KIAA1143: variants seen among roughly 807,000 people sequenced by gnomAD.
The protein encoded by KIAA1143 is KIAA1143.
In KIAA1143, 8 loss-of-function variants were observed where a neutral mutation model predicts 17.0. That is an observed-to-expected ratio of 0.47 (90% CI 0.28 to 0.85). The LOEUF (loss-of-function observed/expected upper bound fraction) is 0.85, where lower values mean the gene tolerates loss of function less well. Ranked by LOEUF, KIAA1143 falls within the 40% of genes least tolerant of loss-of-function variation. The probability of loss-of-function intolerance (pLI) is 0.12; values close to 1 mark genes in which losing one functional copy is unlikely to be tolerated. For synonymous variants in KIAA1143, 64 were observed against 67.8 expected (o/e 0.94, Z 0.27); for missense variants, 162 against 183.3 (o/e 0.88, Z 0.67).
chr3:44,753,851 TA>T (rs1704927107), intron 2 of KIAA1143, among the ~76,000 whole-genome samples: 1 of 152,124 alleles, frequency 6.6e-6, no homozygotes, highest in Non-Finnish European at 1.5e-5. Flanking sequence ...AGCAATGTAG[TA>T]AATGTTCAGA....
intron 1 of KIAA1143, among the ~76,000 whole-genome samples, chr3:44,756,790 C>T (rs1559511221): frequency 6.6e-6 from 1 of 152,088 alleles, no homozygotes; most frequent in African/African-American, 2.4e-5. Flanking sequence ...CAAGCAAATT[C>T]ACACAACTTT....
chr3:44,752,540 A>T lies in KIAA1143; in HGVS notation c.*801T>A, dbSNP rs1704905181. The T allele has an allele frequency of 6.6e-6, 1 of 152,116 alleles. No homozygotes were observed. The highest frequency in any genetic ancestry group is 2.4e-5 in the African/African-American group (1 of 41,432). 9.4% of individuals were successfully genotyped at this position (152,116 alleles called of 1,614,324 possible). A position where few individuals can be genotyped will look rare whatever the true frequency, so the allele number is the denominator to read the frequency against. On this transcript the variant is annotated 3_prime_UTR_variant, in exon 3 of 3. Transcript: ENST00000296121. ...ACAGTGTTTATTCTTCTCACTACCA[A>T]GAAGTCAGAGGTCAGCAATCCAAGC... is the stretch of plus-strand genomic sequence containing the variant.
intron 2 of KIAA1143, 103 bp downstream of exon 2, chr3:44,754,121 G>A (rs923863806): frequency 5.8e-6 from 7 of 1,210,022 alleles, no homozygotes; most frequent in Admixed American, 4.3e-5. Context: ...GCTTGAACCC[G>A]GAACTGCCAC....
chr3:44,754,120 C>T (rs977976231), intron 2 of KIAA1143, 104 bp downstream of exon 2: 26 of 1,205,472 alleles, frequency 2.2e-5, no homozygotes, highest in Non-Finnish European at 2.1e-5. Flanking sequence ...GGCTTGAACC[C>T]GGAACTGCCA....
intron 1 of KIAA1143, among the ~76,000 whole-genome samples, chr3:44,755,494 C>T (rs1197724268): frequency 6.6e-6 from 1 of 152,200 alleles, no homozygotes; most frequent in Non-Finnish European, 1.5e-5. Flanking sequence ...ATAACCACAG[C>T]TTTATCCTGT....
At chr3:44,759,714 T>G (rs1705031166) in intron 1 of KIAA1143, among the ~76,000 whole-genome samples, 1 of 151,622 alleles carries the variant, frequency 6.6e-6, no homozygotes. Context: ...GGCAACACAG[T>G]GGAATCCTGT....
chr3:44,756,385 A>AC (rs946443516), intron 1 of KIAA1143, among the ~76,000 whole-genome samples: 3 of 151,842 alleles, frequency 2.0e-5, no homozygotes, highest in African/African-American at 7.3e-5. Context: ...ACATGGTGAA[A>AC]CCCCCCGTCT....
chr3:44,753,593 T>C, intron 2 of KIAA1143, 41 bp from the exon 3 acceptor site: 1 of 1,572,422 alleles, frequency 6.4e-7, no homozygotes, highest in Non-Finnish European at 8.6e-7. Context: ...CTTCTCCTCA[T>C]TATTTTGCCT....
At chr3:44,756,907 A>G (rs1704981312) in intron 1 of KIAA1143, among the ~76,000 whole-genome samples, 1 of 152,234 alleles carries the variant, frequency 6.6e-6, no homozygotes, top group Non-Finnish European at 1.5e-5. Context: ...GGGAAAAAAC[A>G]TAGTATATAT....
At chr3:44,756,072 G>A (rs1175375285) in intron 1 of KIAA1143, among the ~76,000 whole-genome samples, 1 of 152,220 alleles carries the variant, frequency 6.6e-6, no homozygotes, top group Non-Finnish European at 1.5e-5. Context: ...TAGGTAGTAA[G>A]TATTTTTAGC....
rs539230322 is a variant in KIAA1143, at chr3:44,752,862, T to C, written c.*479A>G. On this transcript the variant is annotated 3_prime_UTR_variant, in exon 3 of 3. Transcript: ENST00000296121. ...TTAGCAGGAGTTGGGGAGGTATTTT[T>C]AACAAGGCACATTATCATCTCCCCC... 1 of 153,642 alleles carries C rather than the reference T, an allele frequency of 6.5e-6. No individual in the cohort carries two copies. The highest frequency in any genetic ancestry group is 1.4e-5 in the Non-Finnish European group (1 of 69,128). The allele number at this position is 153,642 out of a possible 1,614,324, so 9.5% of individuals were successfully genotyped here.
At chr3:44,760,607 T>A (rs1487681221) in intron 1 of KIAA1143, among the ~76,000 whole-genome samples, 2 of 151,376 alleles carry the variant, frequency 1.3e-5, no homozygotes, top group East Asian at 3.9e-4. Flanking sequence ...GCCAGGATGG[T>A]CTCGATCTCC....
At position 44,752,695 on chromosome 3, in the gene KIAA1143, C is replaced by T. The variant is rs1575557715; in HGVS notation, c.*646G>A. 7 of 152,202 alleles carry T rather than the reference C, an allele frequency of 4.6e-5. No homozygotes were observed. The highest frequency in any genetic ancestry group is 6.5e-5 in the Admixed American group (1 of 15,280). The allele number at this position is 152,202 out of a possible 1,614,324, so 9.4% of individuals were successfully genotyped here. On this transcript the variant is annotated 3_prime_UTR_variant, in exon 3 of 3. Transcript: ENST00000296121. ...CTCTGGTACTCAGGTTTTATCTCTG[C>T]ACTCCAAGTAGGATGAAAAGATAAG... is the stretch of plus-strand genomic sequence containing the variant.
At chr3:44,754,719 C>T (rs1364101590) in intron 1 of KIAA1143, among the ~76,000 whole-genome samples, 1 of 152,154 alleles carries the variant, frequency 6.6e-6, no homozygotes. Context: ...GCACTTTTTG[C>T]CTGTCTCTTC....
chr3:44,759,369 T>A (rs894544528), intron 1 of KIAA1143, among the ~76,000 whole-genome samples: 3 of 152,010 alleles, frequency 2.0e-5, no homozygotes, highest in Admixed American at 6.6e-5. Flanking sequence ...GTCTCAACAG[T>A]GGGCTAAAAA....
At chr3:44,760,767 C>T (rs911017508) in intron 1 of KIAA1143, among the ~76,000 whole-genome samples, 18 of 148,696 alleles carry the variant, frequency 1.2e-4, no homozygotes, top group African/African-American at 3.3e-4. Context: ...CTCACTGCAA[C>T]GTCCACCTCC....
chr3:44,754,449 T>G, intron 1 of KIAA1143, 81 bp from the exon 2 acceptor site: 1 of 1,285,848 alleles, frequency 7.8e-7, no homozygotes. Context: ...AAACTGTAAT[T>G]ATTTATGAGA....
At chr3:44,758,916 G>A (rs1705014885) in intron 1 of KIAA1143, among the ~76,000 whole-genome samples, 1 of 150,866 alleles carries the variant, frequency 6.6e-6, no homozygotes, top group Non-Finnish European at 1.5e-5. Flanking sequence ...AGGCTCGAGT[G>A]CAGTGGTGCA....
chr3:44,751,911 T>G lies in KIAA1143; in HGVS notation c.*1430A>C, dbSNP rs1420114087. 6.6e-6 allele frequency: 1 copy of G among 152,164 alleles called. No individual in the cohort carries two copies. The highest frequency in any genetic ancestry group is 1.5e-5 in the Non-Finnish European group (1 of 68,034). 9.4% of individuals were successfully genotyped at this position (152,164 alleles called of 1,614,324 possible). Reference sequence around the variant, plus strand: ...GTAGGGACTGTGTCCCAAGTTAGCATGAAGCAGTTACAGAAGAAAGACCCT... The same window carrying G: ...GTAGGGACTGTGTCCCAAGTTAGCAGGAAGCAGTTACAGAAGAAAGACCCT... On this transcript the variant is annotated 3_prime_UTR_variant, in exon 3 of 3. Transcript: ENST00000296121.
Sources: gnomAD v4.1 joint callset for allele counts (sites outside exome capture counted in the v4.1 genomes callset) on GRCh38, gnomAD v4.1.1 for gene constraint, MANE v1.5 for transcripts, NCBI Gene and HGNC (gene_info 2026-07-23, HGNC 2026-07-21) for gene names.